AKAP13: variants seen among roughly 807,000 people sequenced by gnomAD.
The protein encoded by AKAP13 is A-kinase anchoring protein 13.
In AKAP13, 80 loss-of-function variants were observed where a neutral mutation model predicts 264.5. That is an observed-to-expected ratio of 0.30 (90% CI 0.25 to 0.36). AKAP13 has a LOEUF of 0.36. Among genes scored for constraint, AKAP13 ranks in the 10% least tolerant of loss-of-function variants. The probability of loss-of-function intolerance (pLI) is 1.00; values close to 1 mark genes in which losing one functional copy is unlikely to be tolerated. For missense variants in AKAP13, 3,712 were observed against 3,435.2 expected (o/e 1.08, Z -2.01); for synonymous variants, 1,380 against 1,250.2 (o/e 1.10, Z -2.19).
intron 1 of AKAP13, among the ~76,000 whole-genome samples, chr15:85,448,612 T>G (rs529976171): frequency 2.4e-4 from 36 of 152,332 alleles, no homozygotes; most frequent in African/African-American, 8.7e-4. Flanking sequence ...GCACCATTTA[T>G]TGAATAGGGA....
At chr15:85,538,202 C>T (rs1265853497) in intron 4 of AKAP13, among the ~76,000 whole-genome samples, 1 of 152,116 alleles carries the variant, frequency 6.6e-6, no homozygotes, top group Non-Finnish European at 1.5e-5. Flanking sequence ...TGCAGACTTG[C>T]TCTAGAGGAA....
chr15:85,630,234 A>AAC (rs71141472), intron 8 of AKAP13, among the ~76,000 whole-genome samples: 7,874 of 119,126 alleles, frequency 0.066, 421 homozygotes, highest in Admixed American at 0.18. Context: ...GGAAAATTGT[A>AAC]ACACACACAC....
At chr15:85,633,118 G>A (rs1055480478) in intron 8 of AKAP13, among the ~76,000 whole-genome samples, 1 of 151,852 alleles carries the variant, frequency 6.6e-6, no homozygotes, top group African/African-American at 2.4e-5. Context: ...CGCCTGCCTC[G>A]GCCTCCCAAA....
intron 8 of AKAP13, among the ~76,000 whole-genome samples, chr15:85,632,582 GATTATGTTCTCATCACTGTT>G (rs1160899201): frequency 5.3e-5 from 8 of 152,176 alleles, no homozygotes; most frequent in Admixed American, 2.6e-4. Flanking sequence ...TTTCCAACAT[GATTATGTTCTCATCACTGTT>G]ATTATGTTCT....
At chr15:85,411,057 C>T (rs569062736) in intron 1 of AKAP13, among the ~76,000 whole-genome samples, 1 of 152,184 alleles carries the variant, frequency 6.6e-6, no homozygotes. Flanking sequence ...GAGACTCTTT[C>T]AGTGAGTCTG....
intron 9 of AKAP13, 130 bp downstream of exon 9, chr15:85,639,579 T>G: frequency 1.4e-6 from 1 of 692,748 alleles, no homozygotes; most frequent in Non-Finnish European, 2.5e-6. Flanking sequence ...TGATCTGGGT[T>G]TGTAGGCATT....
chr15:85,545,974 A>G (rs1567117151), intron 5 of AKAP13, among the ~76,000 whole-genome samples: 1 of 152,040 alleles, frequency 6.6e-6, no homozygotes, highest in African/African-American at 2.4e-5. Flanking sequence ...TCATCACCCA[A>G]ACTGAACTTC....
At position 85,667,491 on chromosome 15, in the gene AKAP13, C is replaced by T. The variant is rs2083667914; in HGVS notation, c.4993-2231C>T. On this transcript the variant is annotated intron_variant, in intron 13 of 36. Coordinates refer to ENST00000394518, the MANE Select transcript of AKAP13 (RefSeq NM_007200.5). ...GAACAATTCTTGGATGGCTACTGAG[C>T]ACAGCTTTGCTAAGGGTAAATAAAC... 2.0e-5 allele frequency among the ~76,000 whole-genome samples: 3 copies of T among 152,150 alleles called. No homozygotes were observed. The South Asian group carries it at 6.2e-4, about 32-fold the overall frequency.
chr15:85,424,731 A>G (rs2072690181), intron 1 of AKAP13, among the ~76,000 whole-genome samples: 1 of 152,204 alleles, frequency 6.6e-6, no homozygotes, highest in African/African-American at 2.4e-5. Flanking sequence ...AGCTTTTGAC[A>G]TGCCTTCCTT....
chr15:85,539,521 G>A (rs2077515029), intron 4 of AKAP13, among the ~76,000 whole-genome samples: 2 of 152,188 alleles, frequency 1.3e-5, no homozygotes, highest in South Asian at 2.1e-4. Context: ...GATTGATGGG[G>A]TAGGAGAGTA....
chr15:85,713,032 T>C (rs1038986627), intron 19 of AKAP13, among the ~76,000 whole-genome samples: 26 of 152,240 alleles, frequency 1.7e-4, no homozygotes, highest in African/African-American at 6.0e-4. Flanking sequence ...AATAGTATCA[T>C]AGGGTGGTAG....
At chr15:85,678,767 G>C (rs1468338743) in intron 14 of AKAP13, among the ~76,000 whole-genome samples, 1 of 152,084 alleles carries the variant, frequency 6.6e-6, no homozygotes, top group Admixed American at 6.6e-5. Flanking sequence ...TACTTGGGAG[G>C]CTGAGGCAGG....
chr15:85,449,114 C>T (rs1465308123), intron 1 of AKAP13, among the ~76,000 whole-genome samples: 1 of 151,956 alleles, frequency 6.6e-6, no homozygotes, highest in African/African-American at 2.4e-5. Context: ...ATAGATCTTT[C>T]ACCTCCCTGG....
At position 85,579,371 on chromosome 15, in the gene AKAP13, G is replaced by A. The variant is rs754487409; in HGVS notation, c.1303G>A (p.Asp435Asn). Residue 435 changes from aspartate (D) to asparagine (N), a missense_variant, in exon 7 of 37, where the codon GAC becomes AAC. Around this residue, in one of 3 missense-constraint regions of AKAP13, gnomAD observed 2,759 missense variants for 2,411.7 expected, o/e 1.14. Transcript: ENST00000394518. The part of the protein sequence containing the change: ...TGTKSSGMPT[D>N]QESLSSGDAV... The stretch of plus-strand genomic sequence containing the variant: ...AACAAAATCTTCTGGAATGCCCACA[G>A]ACCAGGAGTCCCTGAGCAGTGGAGA... The A allele has an allele frequency of 3.1e-6, 5 of 1,614,100 alleles. No homozygotes were observed. In the Admixed American group the frequency reaches 8.3e-5, roughly 27 times the overall value.
At position 85,743,571 on chromosome 15, in the gene AKAP13, C is replaced by G. The variant is rs374835263; in HGVS notation, c.8138C>G (p.Pro2713Arg). The G allele has an allele frequency of 1.9e-6, 3 of 1,614,058 alleles. No homozygotes were observed. Among genetic ancestry groups the G allele is most frequent in the Non-Finnish European group, 2.5e-6 (3 of 1,180,036 alleles). Residue 2713 changes from proline to arginine, a missense_variant, in exon 36 of 37, where the codon CCT (proline) becomes CGT (arginine). By Grantham distance (103) the Pro-to-Arg change is moderately radical. Around this residue, in one of 3 missense-constraint regions of AKAP13, gnomAD observed 611 missense variants for 539.3 expected, o/e 1.13. Coordinates refer to ENST00000394518, the MANE Select transcript of AKAP13 (RefSeq NM_007200.5). ...SPEEPPSPSA[P>R]SIAKSGSLDS... ...GAGGAGCCCCCCTCGCCATCTGCAC[C>G]TTCCATAGCCAAATCAGGGTCATTG... is the stretch of plus-strand genomic sequence containing the variant.
rs187698892 is a variant in AKAP13, at chr15:85,549,546, C to T, written c.662+5591C>T. Among the ~76,000 whole-genome samples the T allele has an allele frequency of 7.0e-3, 1,058 of 152,216 alleles. 15 individuals carry two copies. Among genetic ancestry groups the T allele is most frequent in the African/African-American group, 0.024 (996 of 41,532 alleles). On this transcript the variant is annotated intron_variant, in intron 5 of 36. Coordinates refer to ENST00000394518, the MANE Select transcript of AKAP13 (RefSeq NM_007200.5). ...TTTCATTTCAACCTTATATCAACCTCGTGAAATAGGCATTATCTGTGTTTT... is the reference window on the plus strand; with the variant it reads ...TTTCATTTCAACCTTATATCAACCTTGTGAAATAGGCATTATCTGTGTTTT...
At chr15:85,513,504 A>G (rs1328093427) in intron 2 of AKAP13, among the ~76,000 whole-genome samples, 2 of 152,234 alleles carry the variant, frequency 1.3e-5, no homozygotes, top group South Asian at 2.1e-4. Flanking sequence ...TTCTTTACTC[A>G]GGGCAACACC....
chr15:85,428,520 A>C (rs1185382496), intron 1 of AKAP13, among the ~76,000 whole-genome samples: 1 of 152,240 alleles, frequency 6.6e-6, no homozygotes, highest in East Asian at 1.9e-4. Context: ...TAAAGCTGTG[A>C]AGGCTGGAAG....
At chr15:85,402,678 G>A (rs1416860799) in intron 1 of AKAP13, among the ~76,000 whole-genome samples, 1 of 150,448 alleles carries the variant, frequency 6.6e-6, no homozygotes, top group East Asian at 1.9e-4. Flanking sequence ...TTTTTTTTTC[G>A]AGCACTTACT....
Sources: allele counts gnomAD v4.1 joint callset (sites outside exome capture counted in the v4.1 genomes callset), GRCh38; gene constraint gnomAD v4.1.1; regional missense constraint gnomAD v4.1.1; transcripts MANE v1.5; gene names NCBI Gene and HGNC (gene_info 2026-07-23, HGNC 2026-07-21).